The following ANKRD31 variants were observed in gnomAD, a reference collection of about 807,000 sequenced individuals.
ANKRD31 encodes the protein ankyrin repeat domain 31.
ANKRD31 carries 147 observed loss-of-function variants against 186.0 expected under a neutral mutation model. The ratio of observed to expected loss-of-function variants is 0.79; its 90% CI spans 0.69 to 0.91. The LOEUF (loss-of-function observed/expected upper bound fraction) is 0.91, where lower values mean the gene tolerates loss of function less well. ANKRD31 is among the 40% of genes least tolerant of loss of function. The pLI is 0.00. For missense variants in ANKRD31, 1,986 were observed against 2,148.8 expected (o/e 0.92, Z 1.50); for synonymous variants, 673 against 736.4 (o/e 0.91, Z 1.39).
At chr5:75,163,431 G>A (rs1752707612) in intron 11 of ANKRD31, among the ~76,000 whole-genome samples, 1 of 152,210 alleles carries the variant, frequency 6.6e-6, no homozygotes, top group Non-Finnish European at 1.5e-5. Flanking sequence ...CTTTGTGGAT[G>A]TGCTTGCATG....
chr5:75,126,957 C>G lies in ANKRD31; in HGVS notation c.3877-8660G>C, dbSNP rs192400047. ...CAACTAATTGGGAGGCTGAGGTGGG[C>G]AGATCAACTGAGGTCAGGAGTTCAA... is the stretch of plus-strand genomic sequence containing the variant. On this transcript the variant is annotated intron_variant, in intron 17 of 25. Coordinates refer to ENST00000506364, the MANE Select transcript of ANKRD31 (RefSeq NM_001372053.1). Among the ~76,000 whole-genome samples the G allele has an allele frequency of 1.3e-3, 195 of 152,084 alleles. 2 individuals carry two copies. Among genetic ancestry groups the G allele is most frequent in the African/African-American group, 3.8e-3 (159 of 41,494 alleles).
At chr5:75,097,611 T>C (rs187396431) in intron 22 of ANKRD31, among the ~76,000 whole-genome samples, 55 of 152,346 alleles carry the variant, frequency 3.6e-4, no homozygotes, top group Admixed American at 2.8e-3. Context: ...GTAGGTTGCC[T>C]CTTCACTCTG....
rs1277412961 is a variant in ANKRD31 at position 75,148,573 on chromosome 5, T to C, written c.1905+3A>G. 6.6e-7 allele frequency: 1 copy of C among 1,509,850 alleles called. No homozygotes were observed. The highest frequency in any genetic ancestry group is 8.9e-7 in the Non-Finnish European group (1 of 1,129,914). 93.5% of individuals were successfully genotyped at this position (1,509,850 alleles called of 1,614,324 possible). A position where few individuals can be genotyped will look rare whatever the true frequency, so the allele number is the denominator to read the frequency against. Reference sequence around the variant, plus strand: ...AAATGTTTATTACTAAACATAGATATACCTTGTGTTGGTACACATCCTCTA... The same window carrying C: ...AAATGTTTATTACTAAACATAGATACACCTTGTGTTGGTACACATCCTCTA... On this transcript the variant is annotated splice_donor_region_variant and intron_variant, in intron 13 of 25. Coordinates refer to ENST00000506364, the MANE Select transcript of ANKRD31 (RefSeq NM_001372053.1).
At chr5:75,206,635 T>C (rs1374210306) in intron 4 of ANKRD31, 148 bp from the exon 5 acceptor site, 1 of 360,950 alleles carries the variant, frequency 2.8e-6, no homozygotes, top group East Asian at 4.7e-5. Context: ...TTTTTACAAT[T>C]ATTACCAATT....
intron 17 of ANKRD31, among the ~76,000 whole-genome samples, chr5:75,128,395 G>A (rs1269755656): frequency 2.1e-5 from 1 of 46,662 alleles, no homozygotes; most frequent in East Asian, 6.1e-4. Context: ...TATCCCAAAA[G>A]TATAATAAAA....
At chr5:75,117,284 G>A in intron 18 of ANKRD31, among the ~76,000 whole-genome samples, 1 of 152,198 alleles carries the variant, frequency 6.6e-6, no homozygotes, top group East Asian at 1.9e-4. Flanking sequence ...TCTAAATCAT[G>A]GGAACTTTCA....
At chr5:75,161,884 A>C (rs1471113180) in intron 11 of ANKRD31, among the ~76,000 whole-genome samples, 1 of 152,232 alleles carries the variant, frequency 6.6e-6, no homozygotes, top group Non-Finnish European at 1.5e-5. Context: ...AGTACACAGA[A>C]GTCAAGAATT....
rs1751440955 is a variant in ANKRD31 at position 75,146,403 on chromosome 5, C to T, written c.3008G>A (p.Gly1003Asp). The T allele has an allele frequency of 6.5e-7, 1 of 1,536,412 alleles. No individual in the cohort carries two copies. The highest frequency in any genetic ancestry group is 8.7e-7 in the Non-Finnish European group (1 of 1,146,446). The change falls in exon 14 of 26, where the codon GGC becomes GAC. Residue 1003 changes from glycine to aspartate, a missense_variant. Coordinates refer to ENST00000506364, the MANE Select transcript of ANKRD31 (RefSeq NM_001372053.1). Reference protein sequence around the residue: ...IFGPSFDHSNGNPEQNSLACM... With the variant: ...IFGPSFDHSNDNPEQNSLACM... ...AGCCAGGGAATTTTGCTCAGGATTG[C>T]CATTTGAGTGATCAAAAGAAGGTCC...
intron 25 of ANKRD31, among the ~76,000 whole-genome samples, chr5:75,071,839 A>G (rs1003365620): frequency 1.3e-5 from 2 of 152,138 alleles, no homozygotes; most frequent in South Asian, 2.1e-4. Context: ...ATGATTAGGG[A>G]TAGGGCAGGA....
intron 24 of ANKRD31, among the ~76,000 whole-genome samples, chr5:75,081,384 TGAAAATAAATAAATAACAG>T (rs1256612608): frequency 6.6e-6 from 1 of 152,060 alleles, no homozygotes; most frequent in Non-Finnish European, 1.5e-5. Flanking sequence ...TCAGGATTTG[TGAAAATAAATAAATAACAG>T]GAAACTGTTT....
At chr5:75,222,492 T>TA (rs67593579) in intron 2 of ANKRD31, 134 bp from the exon 3 acceptor site, 235,698 of 637,798 alleles carry the variant, frequency 0.37, 40,126 homozygotes, top group African/African-American at 0.75. Flanking sequence ...TCATTTCTTC[T>TA]AAAAAAAAAC....
At chr5:75,159,037 T>C (rs1248911189) in intron 11 of ANKRD31, among the ~76,000 whole-genome samples, 2 of 152,008 alleles carry the variant, frequency 1.3e-5, no homozygotes, top group African/African-American at 4.8e-5. Flanking sequence ...CAGAAAGTTT[T>C]AAAAAAATCA....
intron 22 of ANKRD31, among the ~76,000 whole-genome samples, chr5:75,100,395 T>C (rs933827982): frequency 6.6e-6 from 1 of 152,216 alleles, no homozygotes. Context: ...AGAATGTATA[T>C]TCTGTTGATT....
chr5:75,147,262 C>T lies in ANKRD31; in HGVS notation c.2149G>A (p.Val717Ile), dbSNP rs992244667. Reference sequence around the variant, plus strand: ...GGTACGTTTGTGTTGGGATCTTTGACGTTATGGAGATTGCCCTTTCTGAGT... The same window carrying T: ...GGTACGTTTGTGTTGGGATCTTTGATGTTATGGAGATTGCCCTTTCTGAGT... Reference protein sequence around the residue: ...TGLRKGNLHNVKDPNTNVPKG... With the variant: ...TGLRKGNLHNIKDPNTNVPKG... The change falls in exon 14 of 26, where the codon GTC (valine) becomes ATC (isoleucine). Residue 717 changes from valine (V) to isoleucine (I), a missense_variant. By Grantham distance (29) the Val-to-Ile change is conservative. Coordinates refer to ENST00000506364, the MANE Select transcript of ANKRD31 (RefSeq NM_001372053.1). The T allele has an allele frequency of 1.8e-5, 28 of 1,535,780 alleles. No homozygotes were observed. In the Middle Eastern group the frequency reaches 6.7e-4, roughly 37 times the overall value.
intron 17 of ANKRD31, among the ~76,000 whole-genome samples, chr5:75,122,765 A>T (rs1402828350): frequency 6.6e-6 from 1 of 152,178 alleles, no homozygotes; most frequent in East Asian, 1.9e-4. Flanking sequence ...CAAACTAGGC[A>T]TAGTAGAAAA....
At chr5:75,189,074 A>T (rs1754928304) in intron 9 of ANKRD31, among the ~76,000 whole-genome samples, 1 of 152,176 alleles carries the variant, frequency 6.6e-6, no homozygotes, top group African/African-American at 2.4e-5. Flanking sequence ...ATGAGGAGAA[A>T]ATCTCAGAGG....
Position 75,206,441 on chromosome 5 carries a change from C to A in ANKRD31, c.373G>T (p.Gly125Ter). Residue 125 changes from glycine (G) to a stop codon, truncating the protein, a stop_gained, in exon 5 of 26, where the codon GGA becomes TGA. Coordinates refer to ENST00000506364, the MANE Select transcript of ANKRD31 (RefSeq NM_001372053.1). LOFTEE classifies it high-confidence loss of function. ...SMFIGSFRQS[G>*]LSLNHQNIEG... ...ATATTTTGGTGGTTCAATGAAAGTC[C>A]AGACTGGCGAAACGACCCAATGAAC... 6.7e-7 allele frequency: 1 copy of A among 1,484,426 alleles called. No homozygotes were observed. The highest frequency in any genetic ancestry group is 8.9e-7 in the Non-Finnish European group (1 of 1,124,658). The allele number at this position is 1,484,426 out of a possible 1,614,324, so 92.0% of individuals were successfully genotyped here. A position where few individuals can be genotyped will look rare whatever the true frequency, so the allele number is the denominator to read the frequency against.
At chr5:75,128,671 T>C (rs903401728) in intron 17 of ANKRD31, among the ~76,000 whole-genome samples, 1 of 54,088 alleles carries the variant, frequency 1.8e-5, no homozygotes. Context: ...TCCCAGCTAA[T>C]TTTTTTTTTT....
At chr5:75,086,687 A>C (rs1178609729) in intron 23 of ANKRD31, among the ~76,000 whole-genome samples, 2 of 152,200 alleles carry the variant, frequency 1.3e-5, no homozygotes, top group Non-Finnish European at 2.9e-5. Flanking sequence ...TTCGGTGAGG[A>C]TATCTGTAGG....
Sources: gnomAD v4.1 joint callset for allele counts (sites outside exome capture counted in the v4.1 genomes callset) on GRCh38, gnomAD v4.1.1 for gene constraint, MANE v1.5 for transcripts, NCBI Gene and HGNC (gene_info 2026-07-23, HGNC 2026-07-21) for gene names.